USP7: variants seen among roughly 807,000 people sequenced by gnomAD.
The protein encoded by USP7 is ubiquitin C-terminal hydrolase 7.
A neutral mutation model predicts 162.9 loss-of-function variants in USP7; 9 were observed. The observed-to-expected ratio is 0.06, with a 90% confidence interval of 0.03 to 0.10. The LOEUF (loss-of-function observed/expected upper bound fraction) is 0.10. USP7 is among the 10% of genes least tolerant of loss of function. USP7 has a pLI of 1.00. For missense variants in USP7, 715 were observed against 1,373.7 expected, an observed-to-expected ratio of 0.52 and a Z score of 7.58; for synonymous variants, 562 against 475.9, an observed-to-expected ratio of 1.18 and a Z score of -2.35.
At position 8,917,167 on chromosome 16, in the gene USP7, T is replaced by A; in HGVS notation, c.721-11A>T. On this transcript the variant is annotated splice_polypyrimidine_tract_variant and intron_variant, in intron 6 of 30. Transcript: ENST00000344836. ...CATCATGTACACAGCCTGAAACAAT[T>A]AAGAAATAAGAATTTTTACTCTGAG... 6.3e-7 allele frequency: 1 copy of A among 1,580,904 alleles called. No individual in the cohort carries two copies. The highest frequency in any genetic ancestry group is 8.5e-7 in the Non-Finnish European group (1 of 1,170,522).
intron 1 of USP7, among the ~76,000 whole-genome samples, chr16:8,945,583 G>C (rs1899239701): frequency 6.6e-6 from 1 of 152,068 alleles, no homozygotes; most frequent in Non-Finnish European, 1.5e-5. Context: ...CTGAGACTGG[G>C]GACATACCGT....
At chr16:8,898,200 G>A (rs566941756) in intron 25 of USP7, among the ~76,000 whole-genome samples, 160 bp downstream of exon 25, 1 of 152,290 alleles carries the variant, frequency 6.6e-6, no homozygotes, top group Non-Finnish European at 1.5e-5. Flanking sequence ...GGTCCTGCCA[G>A]GAGGCAGGAA....
At chr16:8,954,755 T>C (rs778545011) in intron 1 of USP7, among the ~76,000 whole-genome samples, 13 of 152,168 alleles carry the variant, frequency 8.5e-5, no homozygotes, top group Non-Finnish European at 1.5e-4. Context: ...GGTGGGTGGA[T>C]CAGGAGATCG....
chr16:8,948,825 G>T (rs143746915), intron 1 of USP7, among the ~76,000 whole-genome samples: 1 of 152,168 alleles, frequency 6.6e-6, no homozygotes, highest in Non-Finnish European at 1.5e-5. Flanking sequence ...TTAGCCAGGC[G>T]TGGTGGCGTG....
In USP7 at chr16:8,892,544, G is replaced by C. The variant is rs564035609; in HGVS notation, c.*1454C>G. On this transcript the variant is annotated 3_prime_UTR_variant, in exon 31 of 31. Coordinates refer to ENST00000344836, the MANE Select transcript of USP7 (RefSeq NM_003470.3). ...GGTCACATCTCCAGTCACCTTATTT[G>C]TACACAGTTCTCTCCTGGAAAACCT... 1.4e-5 allele frequency: 2 copies of C among 141,392 alleles called. No individual in the cohort carries two copies. The highest frequency in any genetic ancestry group is 4.8e-4 in the South Asian group (2 of 4,164). 8.8% of individuals were successfully genotyped at this position (141,392 alleles called of 1,614,324 possible).
intron 20 of USP7, 74 bp downstream of exon 20, chr16:8,900,916 G>A: frequency 2.0e-6 from 3 of 1,474,276 alleles, no homozygotes; most frequent in Non-Finnish European, 1.9e-6. Context: ...ACAAATTCGG[G>A]GTAAAAAGAA....
intron 26 of USP7, 67 bp downstream of exon 26, chr16:8,896,932 C>T: frequency 1.6e-6 from 2 of 1,225,228 alleles, no homozygotes; most frequent in Non-Finnish European, 2.4e-6. Context: ...ACCAACGCAA[C>T]TGCAGAGGTC....
At position 8,905,169 on chromosome 16, in the gene USP7, A is replaced by G. The variant is rs2141180052; in HGVS notation, c.1573+18T>C. ...GTCCACCACAGTAAAGAACAGAACA[A>G]AAGTGAACACTACTCACTCAGTTTT... On this transcript the variant is annotated intron_variant, in intron 14 of 30. Transcript: ENST00000344836. 6.2e-7 allele frequency: 1 copy of G among 1,610,982 alleles called. No individual in the cohort carries two copies. The highest frequency in any genetic ancestry group is 8.5e-7 in the Non-Finnish European group (1 of 1,177,230).
In USP7 at chr16:8,923,335, G is replaced by T; in HGVS notation, c.263C>A (p.Pro88His). Reference sequence around the variant, plus strand: ...TGGCAGATTTCGCACAAAACACGGAGGGCTAAGGACCGACTCACTCAGTCT... The same window carrying T: ...TGGCAGATTTCGCACAAAACACGGATGGCTAAGGACCGACTCACTCAGTCT... ...FSRLSESVLS[P>H]PCFVRNLPWK... Residue 88 changes from proline to histidine, a missense_variant, in exon 3 of 31, where the codon CCT (proline) becomes CAT (histidine). Physicochemically the swap from Pro to His is moderately conservative, Grantham distance 77 (BLOSUM62 -2). Coordinates refer to ENST00000344836, the MANE Select transcript of USP7 (RefSeq NM_003470.3). The T allele has an allele frequency of 6.2e-7, 1 of 1,614,206 alleles. No individual in the cohort carries two copies. The highest frequency in any genetic ancestry group is 8.5e-7 in the Non-Finnish European group (1 of 1,180,046).
At chr16:8,900,965 T>C in intron 20 of USP7, 25 bp downstream of exon 20, 1 of 1,608,914 alleles carries the variant, frequency 6.2e-7, no homozygotes, top group South Asian at 1.1e-5. Flanking sequence ...AATATACTAA[T>C]TATGGAAAAA....
chr16:8,908,560 C>G, intron 11 of USP7, 110 bp from the exon 12 acceptor site: 2 of 887,636 alleles, frequency 2.3e-6, no homozygotes. Flanking sequence ...ACTCTGGAGA[C>G]AAAGGCAGGG....
intron 8 of USP7, among the ~76,000 whole-genome samples, chr16:8,915,978 C>A (rs974759416): frequency 6.6e-6 from 1 of 152,220 alleles, no homozygotes; most frequent in Non-Finnish European, 1.5e-5. Context: ...CCCAGCCAAT[C>A]ACCTTGAACA....
At chr16:8,917,237 G>C (rs2141204265) in intron 6 of USP7, 81 bp from the exon 7 acceptor site, 1 of 1,452,730 alleles carries the variant, frequency 6.9e-7, no homozygotes, top group South Asian at 1.4e-5. Context: ...TAATCTTCAT[G>C]TTTAAAAAAA....
At chr16:8,941,852 G>A (rs912474865) in intron 1 of USP7, among the ~76,000 whole-genome samples, 2 of 152,236 alleles carry the variant, frequency 1.3e-5, no homozygotes, top group African/African-American at 4.8e-5. Flanking sequence ...GCAGGGAACT[G>A]GGTGGACACG....
intron 1 of USP7, among the ~76,000 whole-genome samples, chr16:8,939,913 C>T (rs574273858): frequency 7.2e-4 from 110 of 152,302 alleles, no homozygotes; most frequent in Admixed American, 2.4e-3. Flanking sequence ...TCCTGGCTAA[C>T]ACGGTGAAAC....
intron 2 of USP7, among the ~76,000 whole-genome samples, chr16:8,924,202 G>A (rs1286716792): frequency 3.3e-5 from 5 of 152,122 alleles, no homozygotes; most frequent in South Asian, 2.1e-4. Context: ...TGTGGCCATC[G>A]GTCAATCACC....
At chr16:8,906,314 G>C (rs2061859340) in intron 13 of USP7, 112 bp downstream of exon 13, 1 of 1,242,300 alleles carries the variant, frequency 8.0e-7, no homozygotes, top group East Asian at 2.3e-5. Flanking sequence ...AGAATACATA[G>C]ATCAGTTAGG....
At chr16:8,906,057 G>C (rs1245337981) in intron 13 of USP7, among the ~76,000 whole-genome samples, 1 of 152,156 alleles carries the variant, frequency 6.6e-6, no homozygotes, top group Admixed American at 6.5e-5. Context: ...CCCCATGAGA[G>C]GAAACAAGGT....
In USP7 at chr16:8,895,162, G is replaced by A. The variant is rs1211559436; in HGVS notation, c.2920-12C>T. On this transcript the variant is annotated splice_polypyrimidine_tract_variant and intron_variant, in intron 27 of 30. Coordinates refer to ENST00000344836, the MANE Select transcript of USP7 (RefSeq NM_003470.3). ...TCCAAAGGGATTTCCTGGGGACACG[G>A]ACAACAGACACAGTTCTGTAAGTGC... is the stretch of plus-strand genomic sequence containing the variant. 2 of 1,614,060 alleles carry A rather than the reference G, an allele frequency of 1.2e-6. No homozygotes were observed. Among genetic ancestry groups the A allele is most frequent in the African/African-American group, 2.7e-5 (2 of 74,924 alleles).
Sources: allele counts gnomAD v4.1 joint callset (sites outside exome capture counted in the v4.1 genomes callset), GRCh38; gene constraint gnomAD v4.1.1; transcripts MANE v1.5; gene names NCBI Gene and HGNC (gene_info 2026-07-23, HGNC 2026-07-21).